PIGN: variants seen among roughly 807,000 people sequenced by gnomAD.
PIGN encodes phosphatidylinositol glycan anchor biosynthesis class N, also known as GPI ethanolamine phosphate transferase 1.
In PIGN, 117 loss-of-function variants were observed where a neutral mutation model predicts 125.4. The ratio of observed to expected loss-of-function variants is 0.93; its 90% CI spans 0.80 to 1.09. PIGN has a LOEUF of 1.09. Ranked by LOEUF, PIGN falls within the 50% of genes least tolerant of loss-of-function variation. The pLI is 0.00. For missense variants in PIGN, 1,075 were observed against 1,094.9 expected, an observed-to-expected ratio of 0.98 and a Z score of 0.26; for synonymous variants, 392 against 377.8, an observed-to-expected ratio of 1.04 and a Z score of -0.44.
intron 12 of PIGN, 110 bp from the exon 13 acceptor site, chr18:62,139,185 T>C (rs545794146): frequency 1.3e-5 from 7 of 531,450 alleles, no homozygotes; most frequent in Admixed American, 3.4e-5. Flanking sequence ...GACAAATAAA[T>C]AATTGAAATA....
chr18:62,176,695 A>G (rs1200601514), intron 1 of PIGN, among the ~76,000 whole-genome samples: 1 of 152,132 alleles, frequency 6.6e-6, no homozygotes, highest in Non-Finnish European at 1.5e-5. Context: ...AAAATAATGG[A>G]CAAGTACTCT....
chr18:62,157,903 A>C (rs892477024), intron 4 of PIGN, 95 bp from the exon 5 acceptor site: 46 of 1,233,658 alleles, frequency 3.7e-5, no homozygotes, highest in Non-Finnish European at 4.9e-5. Context: ...GAAGGAATCA[A>C]AAGCAAAAAA....
At chr18:62,152,775 G>A (rs1506330) in intron 7 of PIGN, among the ~76,000 whole-genome samples, 80,351 of 151,834 alleles carry the variant, frequency 0.53, 23,202 homozygotes, top group East Asian at 0.69. Flanking sequence ...CAAAAGAATC[G>A]TAAGTTAAAC....
chr18:62,145,665 T>C (rs1263992159), intron 10 of PIGN, among the ~76,000 whole-genome samples: 2 of 152,208 alleles, frequency 1.3e-5, no homozygotes, highest in Non-Finnish European at 2.9e-5. Context: ...AAGTTCAGTT[T>C]ATCAGTTTAG....
intron 30 of PIGN, among the ~76,000 whole-genome samples, chr18:62,048,137 A>C (rs749067481): frequency 2.6e-4 from 39 of 152,186 alleles, no homozygotes; most frequent in Non-Finnish European, 4.9e-4. Context: ...AGGATAAAAC[A>C]ACAGAATTTA....
chr18:62,151,483 T>C (rs2036534293), intron 7 of PIGN, among the ~76,000 whole-genome samples: 1 of 152,166 alleles, frequency 6.6e-6, no homozygotes, highest in Non-Finnish European at 1.5e-5. Flanking sequence ...AAGCCTCGGA[T>C]AGGTATGTGT....
In PIGN at chr18:62,085,169, T is replaced by C; in HGVS notation, c.2426+40A>G. ...GTATAGAAGTCCCAGGTTGCATTAT[T>C]TTTTAGTTATATATATATGCCACTT... On this transcript the variant is annotated intron_variant, in intron 26 of 30. Transcript: ENST00000640252. 4 of 1,156,732 alleles carry C rather than the reference T, an allele frequency of 3.5e-6. No homozygotes were observed. In the South Asian group the frequency reaches 5.7e-5, roughly 16 times the overall value. The allele number at this position is 1,156,732 out of a possible 1,614,324, so 71.7% of individuals were successfully genotyped here. A position where few individuals can be genotyped will look rare whatever the true frequency, so the allele number is the denominator to read the frequency against.
Position 62,154,630 on chromosome 18 carries a change from T to C in PIGN, c.464A>G (p.Tyr155Cys). The C allele has an allele frequency of 1.3e-6, 2 of 1,557,596 alleles. No homozygotes were observed. Among genetic ancestry groups the C allele is most frequent in the African/African-American group, 1.4e-5 (1 of 73,788 alleles). Reference sequence around the variant, plus strand: ...TCTTTTAGCATCATAACTATATGTATAAACGTGGTCTCCACTAGCACCTGA... The same window carrying C: ...TCTTTTAGCATCATAACTATATGTACAAACGTGGTCTCCACTAGCACCTGA... ...FAKGASGDHV[Y>C]TYSYDAKRED... Residue 155 changes from tyrosine (Y) to cysteine (C), a missense_variant, in exon 7 of 31, where the codon TAT becomes TGT. Transcript: ENST00000640252.
chr18:62,127,273 A>G (rs1408942159), intron 14 of PIGN, among the ~76,000 whole-genome samples: 1 of 152,170 alleles, frequency 6.6e-6, no homozygotes, highest in Non-Finnish European at 1.5e-5. Flanking sequence ...CCAACCAAAC[A>G]TCATAGCTTA....
At chr18:62,138,033 C>A in intron 14 of PIGN, 1 of 604,550 alleles carries the variant, frequency 1.7e-6, no homozygotes, top group South Asian at 2.4e-5. Flanking sequence ...CTCTCCATTC[C>A]CTCATCCCTC....
At chr18:62,071,289 A>T (rs1003268039) in intron 30 of PIGN, among the ~76,000 whole-genome samples, 10 of 152,160 alleles carry the variant, frequency 6.6e-5, no homozygotes, top group African/African-American at 2.4e-4. Flanking sequence ...CTCTGGAATG[A>T]TCAACTTTGA....
intron 9 of PIGN, 64 bp downstream of exon 9, chr18:62,146,907 A>G: frequency 6.6e-7 from 1 of 1,524,680 alleles, no homozygotes; most frequent in Non-Finnish European, 9.0e-7. Flanking sequence ...ATCATAAAAT[A>G]TTTACCAGCT....
chr18:62,121,527 CT>C (rs2035304344), intron 14 of PIGN, among the ~76,000 whole-genome samples: 1 of 152,008 alleles, frequency 6.6e-6, no homozygotes, highest in Non-Finnish European at 1.5e-5. Context: ...AGGGCACAAC[CT>C]TTTGCAGGGA....
At chr18:62,184,517 A>T (rs182256484) in intron 1 of PIGN, 32 of 152,346 alleles carry the variant, frequency 2.1e-4, no homozygotes, top group Non-Finnish European at 1.2e-4. Context: ...AGAAAAGTAC[A>T]TACTGGGAAG....
chr18:62,160,229 C>G (rs961788297), intron 4 of PIGN, among the ~76,000 whole-genome samples: 1 of 152,184 alleles, frequency 6.6e-6, no homozygotes, highest in African/African-American at 2.4e-5. Context: ...CTATTTTAAT[C>G]TCTCCATAAC....
At chr18:62,122,761 A>G (rs1349306050) in intron 14 of PIGN, among the ~76,000 whole-genome samples, 1 of 152,200 alleles carries the variant, frequency 6.6e-6, no homozygotes, top group Non-Finnish European at 1.5e-5. Context: ...CTTTTCAAGA[A>G]AGCAGTTTAA....
At chr18:62,127,608 C>T (rs1485617071) in intron 14 of PIGN, among the ~76,000 whole-genome samples, 2 of 152,040 alleles carry the variant, frequency 1.3e-5, no homozygotes. Flanking sequence ...TAACTGTGAG[C>T]GGGTAGTCAT....
chr18:62,128,212 G>A (rs563632551), intron 14 of PIGN, among the ~76,000 whole-genome samples: 1 of 152,200 alleles, frequency 6.6e-6, no homozygotes, highest in East Asian at 1.9e-4. Flanking sequence ...TAAAATTCCT[G>A]AATTTCAAAC....
chr18:62,094,941 T>C (rs553907225), intron 23 of PIGN, among the ~76,000 whole-genome samples: 27 of 152,314 alleles, frequency 1.8e-4, no homozygotes, highest in African/African-American at 5.5e-4. Context: ...TAGAGTCTAC[T>C]GTGGGAAGAC....
Sources: gnomAD v4.1 joint callset for allele counts (sites outside exome capture counted in the v4.1 genomes callset) on GRCh38, gnomAD v4.1.1 for gene constraint, MANE v1.5 for transcripts, NCBI Gene and HGNC (gene_info 2026-07-23, HGNC 2026-07-21) for gene names.